The following MEF2C variants were observed in gnomAD, a reference collection of about 807,000 sequenced individuals.
The protein encoded by MEF2C is myocyte enhancer factor 2C.
MEF2C carries 6 observed loss-of-function variants against 50.5 expected under a neutral mutation model. The ratio of observed to expected loss-of-function variants is 0.12; its 90% confidence interval spans 0.07 to 0.23. MEF2C has a LOEUF of 0.23. Ranked by LOEUF, MEF2C falls within the 10% of genes least tolerant of loss-of-function variation. The pLI is 1.00. For synonymous variants in MEF2C, 183 were observed against 228.0 expected, an observed-to-expected ratio of 0.80 and a Z score of 1.78; for missense variants, 276 against 605.0, an observed-to-expected ratio of 0.46 and a Z score of 5.70.
chr5:88,844,507 T>C (rs1818608033), intron 1 of MEF2C: 1 of 205,270 alleles, frequency 4.9e-6, no homozygotes. Flanking sequence ...CGAAGTTTAT[T>C]TCTTATTAGA....
At chr5:88,785,842 A>G (rs1404340999) in intron 3 of MEF2C, among the ~76,000 whole-genome samples, 3 of 149,294 alleles carry the variant, frequency 2.0e-5, no homozygotes, top group Non-Finnish European at 4.5e-5. Context: ...CCTATGAGGA[A>G]AAAAAAAAAA....
intron 1 of MEF2C, among the ~76,000 whole-genome samples, chr5:88,868,604 AC>A (rs1224623366): frequency 6.6e-6 from 1 of 152,142 alleles, no homozygotes; most frequent in African/African-American, 2.4e-5. Context: ...CTTGTAACAC[AC>A]TACAATTCTC....
intron 2 of MEF2C, among the ~76,000 whole-genome samples, chr5:88,816,606 T>G (rs1805546781): frequency 6.6e-6 from 1 of 151,730 alleles, no homozygotes; most frequent in South Asian, 2.1e-4. Flanking sequence ...CCTTGGTAAT[T>G]TTAAGATTAA....
At chr5:88,830,138 T>TA (rs1156336602) in intron 1 of MEF2C, among the ~76,000 whole-genome samples, 3 of 151,944 alleles carry the variant, frequency 2.0e-5, no homozygotes, top group African/African-American at 7.2e-5. Flanking sequence ...TTTACAGTGT[T>TA]AAAAAAATTA....
Position 88,883,052 on chromosome 5 carries a change from G to A in MEF2C, c.-240C>T, listed in dbSNP as rs1381225143. The A allele has an allele frequency of 6.6e-6, 1 of 152,302 alleles. No individual in the cohort carries two copies. The highest frequency in any genetic ancestry group is 6.6e-5 in the Admixed American group (1 of 15,246). 9.4% of individuals were successfully genotyped at this position (152,302 alleles called of 1,614,324 possible). On this transcript the variant is annotated 5_prime_UTR_variant, in exon 1 of 11. In the 5' UTR this introduces an upstream ATG that the reference lacks. Transcript: ENST00000504921. Reference sequence around the variant, plus strand: ...AAATAACAACAATAATCTTTACTTCGTCCAGCGTTGAAGTGCTTCTCCACC... The same window carrying A: ...AAATAACAACAATAATCTTTACTTCATCCAGCGTTGAAGTGCTTCTCCACC...
chr5:88,801,996 T>TTACTAATATGTGGAAAA (rs1798563055), intron 3 of MEF2C, among the ~76,000 whole-genome samples: 1 of 152,220 alleles, frequency 6.6e-6, no homozygotes, highest in Non-Finnish European at 1.5e-5. Context: ...ATGTGAAGAA[T>TTACTAATATGTGGAAAA]GCATAATTCA....
At chr5:88,875,340 A>G (rs1830727193) in intron 1 of MEF2C, among the ~76,000 whole-genome samples, 1 of 151,998 alleles carries the variant, frequency 6.6e-6, no homozygotes, top group South Asian at 2.1e-4. Context: ...GTGTTTATCA[A>G]TAAAAATTTT....
At chr5:88,875,844 GTGGCACTGTGCA>G (rs1830887750) in intron 1 of MEF2C, among the ~76,000 whole-genome samples, 2 of 151,922 alleles carry the variant, frequency 1.3e-5, no homozygotes, top group East Asian at 3.9e-4. Flanking sequence ...AGTTTATGAT[GTGGCACTGTGCA>G]CAGTATCTGG....
At chr5:88,824,515 A>T (rs1345850043) in intron 1 of MEF2C, 1 of 206,650 alleles carries the variant, frequency 4.8e-6, no homozygotes, top group Non-Finnish European at 8.5e-6. Context: ...ACACCTTAAA[A>T]ATAATATGGA....
chr5:88,833,433 C>A (rs892337298), intron 1 of MEF2C, among the ~76,000 whole-genome samples: 3 of 152,038 alleles, frequency 2.0e-5, no homozygotes, highest in Non-Finnish European at 4.4e-5. Flanking sequence ...TACAAAGAAG[C>A]TGAAAATATC....
At chr5:88,770,437 G>A (rs1028788989) in intron 3 of MEF2C, among the ~76,000 whole-genome samples, 2 of 152,210 alleles carry the variant, frequency 1.3e-5, no homozygotes, top group African/African-American at 4.8e-5. Context: ...TTTGAAATGC[G>A]AGTAGCTTAT....
At position 88,784,291 on chromosome 5, in the gene MEF2C, T is replaced by C. The variant is rs190647305; in HGVS notation, c.258+20307A>G. ...AGTCAAATCAATATCAGCTACATAA[T>C]ACATAAAGGATGGATGCAAATTTTA... is the stretch of plus-strand genomic sequence containing the variant. On this transcript the variant is annotated intron_variant, in intron 3 of 10. Coordinates refer to ENST00000504921, the MANE Select transcript of MEF2C (RefSeq NM_002397.5). Among the ~76,000 whole-genome samples the C allele has an allele frequency of 5.3e-5, 8 of 152,328 alleles. No individual in the cohort carries two copies. The East Asian group carries it at 1.5e-3, about 29-fold the overall frequency.
intron 3 of MEF2C, among the ~76,000 whole-genome samples, chr5:88,793,976 A>G (rs890085844): frequency 5.9e-5 from 9 of 152,238 alleles, no homozygotes; most frequent in Non-Finnish European, 1.0e-4. Flanking sequence ...ACATGAACTC[A>G]TCCTTTTTTA....
At chr5:88,742,184 C>A in intron 6 of MEF2C, 23 of 985,332 alleles carry the variant, frequency 2.3e-5, no homozygotes, top group Non-Finnish European at 2.7e-5. Context: ...CCAAATCCCC[C>A]CTTCAGCATC....
intron 8 of MEF2C, among the ~76,000 whole-genome samples, chr5:88,729,988 A>C (rs987571619): frequency 6.6e-6 from 1 of 151,584 alleles, no homozygotes; most frequent in African/African-American, 2.4e-5. Context: ...ATTTTACTAT[A>C]AATTGTCCTA....
intron 1 of MEF2C, chr5:88,838,408 G>A (rs1816023435): frequency 4.0e-6 from 1 of 247,862 alleles, no homozygotes; most frequent in Non-Finnish European, 6.4e-6. Flanking sequence ...ACAAATGAAT[G>A]TGTTCACAAG....
chr5:88,743,362 C>T, intron 6 of MEF2C: 1 of 985,166 alleles, frequency 1.0e-6, no homozygotes, highest in Non-Finnish European at 1.2e-6. Flanking sequence ...GTCTTTCTGG[C>T]CAATAAGAAA....
intron 6 of MEF2C, chr5:88,733,432 T>C: frequency 9.1e-6 from 9 of 985,298 alleles, no homozygotes; most frequent in Non-Finnish European, 9.6e-6. Context: ...AGTAGAGGTA[T>C]GACACAGACC....
At chr5:88,793,354 A>C (rs1326046496) in intron 3 of MEF2C, among the ~76,000 whole-genome samples, 2 of 152,164 alleles carry the variant, frequency 1.3e-5, no homozygotes, top group Non-Finnish European at 2.9e-5. Flanking sequence ...GGTTAATGGC[A>C]GGGAAATTGC....
Sources: allele counts gnomAD v4.1 joint callset (sites outside exome capture counted in the v4.1 genomes callset), GRCh38; gene constraint gnomAD v4.1.1; transcripts MANE v1.5; gene names NCBI Gene and HGNC (gene_info 2026-07-23, HGNC 2026-07-21).